Variants in GPD2 observed in about 807,000 individuals in gnomAD.
The protein encoded by GPD2 is glycerol-3-phosphate dehydrogenase 2.
GPD2 carries 54 observed loss-of-function variants against 82.4 expected under a neutral mutation model. That is an observed-to-expected ratio of 0.66 (90% CI 0.53 to 0.82). The LOEUF (loss-of-function observed/expected upper bound fraction) is 0.82. Ranked by LOEUF, GPD2 falls within the 40% of genes least tolerant of loss-of-function variation. The probability of loss-of-function intolerance (pLI) is 0.00; values close to 1 mark genes in which losing one functional copy is unlikely to be tolerated. For synonymous variants in GPD2, 288 were observed against 306.1 expected, an observed-to-expected ratio of 0.94 and a Z score of 0.62; for missense variants, 748 against 896.2, an observed-to-expected ratio of 0.83 and a Z score of 2.11.
In GPD2 at chr2:156,557,524, A is replaced by G; in HGVS notation, c.1107A>G (p.Glu369=). Residue 369 remains glutamate, a synonymous_variant, in exon 9 of 17, where the codon GAA becomes GAG. Coordinates refer to ENST00000438166, the MANE Select transcript of GPD2 (RefSeq NM_000408.5). ...TTACACACCATCCAATTCCTTCAGA[A>G]GAAGATATCAACTTCATTTTGAATG... The part of the protein sequence containing the change: ...TDVTHHPIPS[E]EDINFILNEV... The G allele has an allele frequency of 6.2e-7, 1 of 1,601,486 alleles. No individual in the cohort carries two copies. The highest frequency in any genetic ancestry group is 8.6e-7 in the Non-Finnish European group (1 of 1,168,582).
At chr2:156,505,960 G>T (rs1347038012) in intron 3 of GPD2, among the ~76,000 whole-genome samples, 4 of 152,172 alleles carry the variant, frequency 2.6e-5, no homozygotes, top group Non-Finnish European at 5.9e-5. Context: ...TTAGATAACA[G>T]AACCACAGAA....
the GPD2 span, among the ~76,000 whole-genome samples, chr2:156,408,450 G>C: frequency 6.6e-6 from 1 of 152,134 alleles, no homozygotes; most frequent in Non-Finnish European, 1.5e-5. Flanking sequence ...TGCAGGCTGG[G>C]TGCAGTGGCT....
chr2:156,569,527 C>T lies in GPD2; in HGVS notation c.1465C>T (p.Leu489Phe), dbSNP rs1687530282. Reference protein sequence around the residue: ...LYIRLVQDYGLESEVAQHLAA... With the variant: ...LYIRLVQDYGFESEVAQHLAA... Reference sequence around the variant, plus strand: ...CATTAGGCTTGTGCAGGATTATGGACTTGAAAGCGAGGTGAGTGTGCATTG... The same window carrying T: ...CATTAGGCTTGTGCAGGATTATGGATTTGAAAGCGAGGTGAGTGTGCATTG... The change falls in exon 11 of 17, where the codon CTT becomes TTT. Residue 489 changes from leucine to phenylalanine, a missense_variant. Physicochemically the swap from Leu to Phe is conservative, Grantham distance 22. This residue lies in a region of GPD2 where 692 missense variants were observed against 809.7 expected (regional missense o/e 0.85). Coordinates refer to ENST00000438166, the MANE Select transcript of GPD2 (RefSeq NM_000408.5). 1 of 1,611,986 alleles carries T rather than the reference C, an allele frequency of 6.2e-7. No homozygotes were observed. Among genetic ancestry groups the T allele is most frequent in the African/African-American group, 1.3e-5 (1 of 74,816 alleles).
At chr2:156,552,764 T>C (rs752381001) in intron 8 of GPD2, among the ~76,000 whole-genome samples, 1 of 152,194 alleles carries the variant, frequency 6.6e-6, no homozygotes, top group Non-Finnish European at 1.5e-5. Context: ...CTTCAGAGTT[T>C]AGAGACAAAG....
At chr2:156,450,956 G>A (rs1471310223) in intron 1 of GPD2, among the ~76,000 whole-genome samples, 1 of 133,836 alleles carries the variant, frequency 7.5e-6, no homozygotes, top group Non-Finnish European at 1.6e-5. Flanking sequence ...CACAGCACAT[G>A]TTTCAGAGAG....
intron 13 of GPD2, among the ~76,000 whole-genome samples, chr2:156,575,984 T>C (rs1687809373): frequency 6.6e-6 from 1 of 152,174 alleles, no homozygotes; most frequent in South Asian, 2.1e-4. Flanking sequence ...GAGTGAATGT[T>C]TGATGATGGA....
intron 9 of GPD2, among the ~76,000 whole-genome samples, chr2:156,560,661 A>T (rs1440112759): frequency 2.6e-5 from 4 of 152,196 alleles, no homozygotes; most frequent in Admixed American, 6.5e-5. Flanking sequence ...TTGAGGAATT[A>T]TGCTTGATCT....
intron 3 of GPD2, among the ~76,000 whole-genome samples, chr2:156,498,882 G>A (rs1684483932): frequency 6.6e-6 from 1 of 152,084 alleles, no homozygotes; most frequent in African/African-American, 2.4e-5. Flanking sequence ...GGGGAGAAAA[G>A]TCAGTGCTAG....
the GPD2 span, among the ~76,000 whole-genome samples, chr2:156,403,993 T>C: frequency 6.6e-6 from 1 of 152,190 alleles, no homozygotes; most frequent in Non-Finnish European, 1.5e-5. Flanking sequence ...TAATATGATA[T>C]TGAGCCACTA....
At chr2:156,408,711 TAAAAAAAAAAA>T in the GPD2 span, among the ~76,000 whole-genome samples, 1 of 82,050 alleles carries the variant, frequency 1.2e-5, no homozygotes, top group Admixed American at 1.4e-4. Flanking sequence ...CTGCACCTGG[TAAAAAAAAAAA>T]AAAAAAAAAA....
At chr2:156,552,439 G>A (rs1437153316) in intron 8 of GPD2, among the ~76,000 whole-genome samples, 1 of 152,164 alleles carries the variant, frequency 6.6e-6, no homozygotes, top group Non-Finnish European at 1.5e-5. Context: ...ACGCTTTTGT[G>A]TTCGATTAAA....
chr2:156,505,583 A>G (rs190879303), intron 3 of GPD2, among the ~76,000 whole-genome samples: 37 of 152,324 alleles, frequency 2.4e-4, no homozygotes, highest in African/African-American at 8.9e-4. Context: ...TAATTTAGTG[A>G]ATTACCTTCA....
chr2:156,513,646 T>C (rs1289100927), intron 6 of GPD2, 150 bp downstream of exon 6: 1 of 682,220 alleles, frequency 1.5e-6, no homozygotes, highest in African/African-American at 1.8e-5. Flanking sequence ...TTCACCATTT[T>C]CTCTAACGGT....
chr2:156,527,619 A>G (rs1685662530), intron 6 of GPD2, among the ~76,000 whole-genome samples: 1 of 152,154 alleles, frequency 6.6e-6, no homozygotes, highest in Non-Finnish European at 1.5e-5. Flanking sequence ...TGTTACTAGT[A>G]TATGATTTGC....
At chr2:156,467,463 C>CT (rs1309537799) in intron 1 of GPD2, among the ~76,000 whole-genome samples, 17 of 152,170 alleles carry the variant, frequency 1.1e-4, no homozygotes, top group African/African-American at 4.1e-4. Context: ...TTCTCAGTGA[C>CT]TTCGGAAAAG....
Position 156,569,503 on chromosome 2 carries a change from A to G in GPD2, c.1441A>G (p.Ile481Val), listed in dbSNP as rs1236010033. Reference protein sequence around the residue: ...GGKDWSPTLYIRLVQDYGLES... With the variant: ...GGKDWSPTLYVRLVQDYGLES... ...TAAAGATTGGAGCCCCACACTCTAC[A>G]TTAGGCTTGTGCAGGATTATGGACT... The change falls in exon 11 of 17, where the codon ATT becomes GTT. Residue 481 changes from isoleucine (I) to valine (V), a missense_variant. By Grantham distance (29) the Ile-to-Val change is conservative. Coordinates refer to ENST00000438166, the MANE Select transcript of GPD2 (RefSeq NM_000408.5). The G allele has an allele frequency of 1.9e-6, 3 of 1,613,312 alleles. No individual in the cohort carries two copies. Among genetic ancestry groups the G allele is most frequent in the East Asian group, 2.2e-5 (1 of 44,844 alleles).
chr2:156,417,106 G>A, the GPD2 span, among the ~76,000 whole-genome samples: 1 of 152,086 alleles, frequency 6.6e-6, no homozygotes, highest in East Asian at 1.9e-4. Flanking sequence ...TAACTGTCTG[G>A]TTTCCTCATT....
chr2:156,573,953 G>C (rs140290558), intron 13 of GPD2, among the ~76,000 whole-genome samples: 1 of 152,200 alleles, frequency 6.6e-6, no homozygotes, highest in Non-Finnish European at 1.5e-5. Context: ...TACTTAATGA[G>C]TGACTTGTAT....
At chr2:156,548,880 G>C (rs1412349572) in intron 6 of GPD2, among the ~76,000 whole-genome samples, 1 of 152,078 alleles carries the variant, frequency 6.6e-6, no homozygotes, top group Non-Finnish European at 1.5e-5. Context: ...AATAGAAAAA[G>C]TCTCTAGTGA....
Sources: allele counts gnomAD v4.1 joint callset (sites outside exome capture counted in the v4.1 genomes callset), GRCh38; gene constraint gnomAD v4.1.1; regional missense constraint gnomAD v4.1.1; transcripts MANE v1.5; gene names NCBI Gene and HGNC (gene_info 2026-07-23, HGNC 2026-07-21).